The following HYDIN variants were observed in gnomAD, a reference collection of about 807,000 sequenced individuals.
HYDIN encodes the protein HYDIN axonemal central pair apparatus protein.
In HYDIN, 132 loss-of-function variants were observed where a neutral mutation model predicts 403.9. The observed-to-expected ratio is 0.33, with a 90% CI of 0.28 to 0.38. The LOEUF (loss-of-function observed/expected upper bound fraction) is 0.38. HYDIN is among the 10% of genes least tolerant of loss of function. The pLI is 1.00. For synonymous variants in HYDIN, 1,202 were observed against 1,891.7 expected (o/e 0.64, Z 9.46); for missense variants, 2,827 against 5,009.5 (o/e 0.56, Z 13.15).
At chr16:71,113,633 AC>A (rs1319161147) in intron 10 of HYDIN, 1 of 143,996 alleles carries the variant, frequency 6.9e-6, no homozygotes, top group East Asian at 2.0e-4. Flanking sequence ...TCACTCTGTC[AC>A]CCAGGCTGGT....
intron 47 of HYDIN, among the ~76,000 whole-genome samples, chr16:70,915,101 A>G (rs1180115633): frequency 6.6e-6 from 1 of 151,182 alleles, no homozygotes; most frequent in Non-Finnish European, 1.5e-5. Context: ...TTACTCTCTG[A>G]TTGGCTTAAT....
chr16:70,908,150 C>T lies in HYDIN; in HGVS notation c.8396+102G>A, dbSNP rs1184859285. 8 of 952,196 alleles carry T rather than the reference C, an allele frequency of 8.4e-6. No individual in the cohort carries two copies. The South Asian group carries it at 1.1e-4, about 14-fold the overall frequency. 59.0% of individuals were successfully genotyped at this position (952,196 alleles called of 1,614,324 possible). ...TATGACAAGAGGGGCTGGGGTGCTG[C>T]CCCAGCTCCACGTTATGGTAAGAGC... On this transcript the variant is annotated intron_variant, in intron 49 of 85. Transcript: ENST00000393567.
Position 70,892,515 on chromosome 16 carries a change from G to A in HYDIN, c.9263C>T (p.Ser3088Phe). The part of the protein sequence containing the change: ...YEIAFSFSVD[S>F]VGISTPNINS... ...TATATTAGGTGTTGAAATCCCTACA[G>A]AGTCCACGGAAAAGCTGAAAGACAA... The change falls in exon 56 of 86, where the codon TCT becomes TTT. Residue 3088 changes from serine (S) to phenylalanine (F), a missense_variant. Coordinates refer to ENST00000393567, the MANE Select transcript of HYDIN (RefSeq NM_001270974.2). 1 of 1,602,546 alleles carries A rather than the reference G, an allele frequency of 6.2e-7. No individual in the cohort carries two copies. Among genetic ancestry groups the A allele is most frequent in the Non-Finnish European group, 8.5e-7 (1 of 1,175,696 alleles).
intron 65 of HYDIN, among the ~76,000 whole-genome samples, chr16:70,871,045 CA>C (rs111860836): frequency 6.6e-6 from 1 of 151,422 alleles, no homozygotes; most frequent in East Asian, 1.9e-4. Context: ...CAAACAAAAA[CA>C]AAAAAAAGTA....
chr16:70,849,814 G>A lies in HYDIN; in HGVS notation c.12785C>T (p.Thr4262Ile), dbSNP rs1394750367. The change falls in exon 75 of 86, where the codon ACT (threonine) becomes ATT (isoleucine). Residue 4262 changes from threonine (T) to isoleucine (I), a missense_variant. Coordinates refer to ENST00000393567, the MANE Select transcript of HYDIN (RefSeq NM_001270974.2). ...ATGTACACTCTGTCCTACATCCACA[G>A]TGCTGTCGATGGGTGAAAATTCCAA... ...QYLEFSPIDSTVDVGQSVHAT... is the reference protein window; with the variant it reads ...QYLEFSPIDSIVDVGQSVHAT... 3 of 858,670 alleles carry A rather than the reference G, an allele frequency of 3.5e-6. No homozygotes were observed. Among genetic ancestry groups the A allele is most frequent in the Admixed American group, 2.1e-5 (1 of 48,502 alleles). 53.2% of individuals were successfully genotyped at this position (858,670 alleles called of 1,614,324 possible). A position where few individuals can be genotyped will look rare whatever the true frequency, so the allele number is the denominator to read the frequency against.
At chr16:70,912,138 G>A (rs2076713249) in intron 47 of HYDIN, among the ~76,000 whole-genome samples, 1 of 145,070 alleles carries the variant, frequency 6.9e-6, no homozygotes, top group South Asian at 2.3e-4. Flanking sequence ...AGGATTTCCA[G>A]TACAATGTTG....
At chr16:71,201,783 G>A (rs1424136) in intron 1 of HYDIN, among the ~76,000 whole-genome samples, 52,339 of 152,098 alleles carry the variant, frequency 0.34, 9,476 homozygotes, top group East Asian at 0.57. Flanking sequence ...ATCCAGCCAC[G>A]AACTTCTGAG....
chr16:71,047,111 T>TGAGATGGACAAAATG (rs2081475056), intron 18 of HYDIN, among the ~76,000 whole-genome samples: 1 of 152,138 alleles, frequency 6.6e-6, no homozygotes, highest in Non-Finnish European at 1.5e-5. Context: ...AATTAAGAGC[T>TGAGATGGACAAAATG]GAGATGGACA....
intron 45 of HYDIN, chr16:70,933,440 T>G: frequency 6.9e-6 from 1 of 145,588 alleles, no homozygotes; most frequent in African/African-American, 2.5e-5. Context: ...TGAAGAAGTG[T>G]CAGGAGCCAT....
At chr16:71,065,188 T>C (rs1397442020) in intron 15 of HYDIN, among the ~76,000 whole-genome samples, 66 of 151,458 alleles carry the variant, frequency 4.4e-4, no homozygotes, top group African/African-American at 1.6e-3. Flanking sequence ...ACAGGGCCAA[T>C]GCCACCAGCA....
At chr16:71,138,726 T>C (rs1446548063) in intron 7 of HYDIN, among the ~76,000 whole-genome samples, 1 of 152,114 alleles carries the variant, frequency 6.6e-6, no homozygotes, top group Non-Finnish European at 1.5e-5. Flanking sequence ...TGAACACCTT[T>C]TCATAAATTA....
intron 24 of HYDIN, 90 bp from the exon 25 acceptor site, chr16:70,991,486 T>G (rs2079349209): frequency 1.4e-5 from 22 of 1,564,970 alleles, no homozygotes; most frequent in Middle Eastern, 1.7e-4. Context: ...CTTCCTCTTC[T>G]CCCTCTACCA....
intron 1 of HYDIN, among the ~76,000 whole-genome samples, chr16:71,214,525 C>T (rs1230819690): frequency 6.6e-6 from 1 of 152,138 alleles, no homozygotes; most frequent in Non-Finnish European, 1.5e-5. Context: ...CAATAGCTTC[C>T]CACAGTGTAA....
At position 70,882,799 on chromosome 16, in the gene HYDIN, C is replaced by T. The variant is rs1429893870; in HGVS notation, c.10076G>A (p.Gly3359Glu). 6.7e-7 allele frequency: 1 copy of T among 1,501,638 alleles called. No individual in the cohort carries two copies. The highest frequency in any genetic ancestry group is 9.3e-7 in the Non-Finnish European group (1 of 1,077,816). The allele number at this position is 1,501,638 out of a possible 1,614,324, so 93.0% of individuals were successfully genotyped here. The change falls in exon 60 of 86, where the codon GGG becomes GAG. Residue 3359 changes from glycine (G) to glutamate (E), a missense_variant. Coordinates refer to ENST00000393567, the MANE Select transcript of HYDIN (RefSeq NM_001270974.2). Reference sequence around the variant, plus strand: ...CTTGTTCTCATCCTCGACGAACAGCCCCCCGCTCTCTATGGTCTGCAGGAT... The same window carrying T: ...CTTGTTCTCATCCTCGACGAACAGCTCCCCGCTCTCTATGGTCTGCAGGAT... Reference protein sequence around the residue: ...HHILQTIESGGLFVEDENKFI... With the variant: ...HHILQTIESGELFVEDENKFI...
At chr16:70,875,873 A>G (rs2040413335) in intron 62 of HYDIN, among the ~76,000 whole-genome samples, 1 of 152,232 alleles carries the variant, frequency 6.6e-6, no homozygotes, top group Non-Finnish European at 1.5e-5. Context: ...TGGCAAAAAC[A>G]GGGAATGGGT....
At chr16:71,059,908 A>G in intron 18 of HYDIN, among the ~76,000 whole-genome samples, 1 of 152,146 alleles carries the variant, frequency 6.6e-6, no homozygotes, top group African/African-American at 2.4e-5. Context: ...ACCATTTTAC[A>G]TCTATTTTGT....
chr16:71,011,605 G>A (rs1018659443), intron 23 of HYDIN, among the ~76,000 whole-genome samples: 1 of 151,674 alleles, frequency 6.6e-6, no homozygotes, highest in Non-Finnish European at 1.5e-5. Flanking sequence ...AGGTATAATG[G>A]TGCACGCCTG....
At chr16:70,881,572 C>T (rs1234792477) in intron 60 of HYDIN, among the ~76,000 whole-genome samples, 1 of 144,438 alleles carries the variant, frequency 6.9e-6, no homozygotes, top group Non-Finnish European at 1.5e-5. Context: ...TGCGCCACTG[C>T]ACTCCAGCCT....
intron 59 of HYDIN, 150 bp from the exon 60 acceptor site, chr16:70,883,045 A>G: frequency 1.6e-6 from 1 of 643,070 alleles, no homozygotes; most frequent in South Asian, 1.8e-5. Flanking sequence ...GATGGGAAAC[A>G]TTCTGTCTTG....
Sources: allele counts gnomAD v4.1 joint callset (sites outside exome capture counted in the v4.1 genomes callset), GRCh38; gene constraint gnomAD v4.1.1; transcripts MANE v1.5; gene names NCBI Gene and HGNC (gene_info 2026-07-23, HGNC 2026-07-21).